The following INSL6 variants were observed in gnomAD, a reference collection of about 807,000 sequenced individuals.
The protein encoded by INSL6 is insulin-like peptide INSL6.
In INSL6, 16 loss-of-function variants were observed where a neutral mutation model predicts 9.4. The observed-to-expected ratio is 1.70, with a 90% CI of 1.15 to 2.59. The LOEUF is 2.59. INSL6 is among the 30% of genes most tolerant of loss of function. The probability of loss-of-function intolerance (pLI) is 0.00; values close to 1 mark genes in which losing one functional copy is unlikely to be tolerated. For missense variants in INSL6, 391 were observed against 257.3 expected (o/e 1.52, Z -3.56); for synonymous variants, 154 against 96.9 (o/e 1.59, Z -3.46).
the INSL6 span, among the ~76,000 whole-genome samples, chr9:5,075,377 T>A: frequency 6.6e-6 from 1 of 152,198 alleles, no homozygotes; most frequent in Non-Finnish European, 1.5e-5. Context: ...AGTCAGTGCT[T>A]GCCTTCAAAG....
chr9:5,057,436 G>A, the INSL6 span, among the ~76,000 whole-genome samples: 5 of 152,042 alleles, frequency 3.3e-5, no homozygotes, highest in African/African-American at 1.2e-4. Flanking sequence ...ATTTTTAAGT[G>A]TACAGTTTAG....
chr9:5,159,475 T>C (rs12337776), downstream of INSL6, among the ~76,000 whole-genome samples: 3,955 of 151,780 alleles, frequency 0.026, 158 homozygotes, highest in African/African-American at 0.084. Context: ...TCCATGCCAA[T>C]GGAAACCAAA....
chr9:5,161,898 C>T (rs552196769), downstream of INSL6, among the ~76,000 whole-genome samples: 1 of 151,788 alleles, frequency 6.6e-6, no homozygotes, highest in South Asian at 2.1e-4. Flanking sequence ...CTGGGCAACA[C>T]AGCAAGACTC....
At chr9:4,996,414 C>G in the INSL6 span, among the ~76,000 whole-genome samples, 1 of 151,908 alleles carries the variant, frequency 6.6e-6, no homozygotes, top group East Asian at 1.9e-4. Context: ...TGCCATTGCA[C>G]TCTAGCCTGG....
chr9:5,044,540 C>G, the INSL6 span: 1 of 1,353,552 alleles, frequency 7.4e-7, no homozygotes, highest in Non-Finnish European at 1.0e-6. Flanking sequence ...TATTATCTTA[C>G]TTGTACATGA....
intron 1 of INSL6, among the ~76,000 whole-genome samples, chr9:5,176,823 T>C (rs1000611274): frequency 1.3e-4 from 19 of 151,948 alleles, no homozygotes; most frequent in African/African-American, 4.1e-4. Flanking sequence ...ACTATGAAGA[T>C]AGTTCAGCAT....
chr9:5,079,263 G>A, the INSL6 span, among the ~76,000 whole-genome samples: 1 of 149,894 alleles, frequency 6.7e-6, no homozygotes, highest in Non-Finnish European at 1.5e-5. Flanking sequence ...ATATGGTGAA[G>A]GTATTTGTCA....
At chr9:5,149,476 G>C (rs983138479) in intron 2 of INSL6, among the ~76,000 whole-genome samples, 1 of 152,024 alleles carries the variant, frequency 6.6e-6, no homozygotes, top group African/African-American at 2.4e-5. Flanking sequence ...ACCAAATCAA[G>C]AAGGCAATCC....
At chr9:5,161,985 G>C (rs549624899), downstream of INSL6, among the ~76,000 whole-genome samples, 1 of 151,954 alleles carries the variant, frequency 6.6e-6, no homozygotes, top group Non-Finnish European at 1.5e-5. Context: ...AGGCTGAGGT[G>C]GGAGGATCAC....
chr9:5,135,648 T>C (rs1824375163), intron 2 of INSL6, among the ~76,000 whole-genome samples: 1 of 152,100 alleles, frequency 6.6e-6, no homozygotes, highest in Non-Finnish European at 1.5e-5. Flanking sequence ...TTTATAGCAC[T>C]AAGTGCCCAC....
At chr9:5,092,699 C>A in the INSL6 span, among the ~76,000 whole-genome samples, 8 of 152,154 alleles carry the variant, frequency 5.3e-5, no homozygotes, top group Admixed American at 3.3e-4. Flanking sequence ...TCCCCCGAAA[C>A]CAAATGAGCT....
chr9:5,084,432 C>G, the INSL6 span, among the ~76,000 whole-genome samples: 2 of 151,992 alleles, frequency 1.3e-5, no homozygotes, highest in Admixed American at 1.3e-4. Flanking sequence ...CTACTGTATC[C>G]CTTTGTTATC....
chr9:5,070,163 T>C, the INSL6 span: 7 of 658,060 alleles, frequency 1.1e-5, no homozygotes, highest in African/African-American at 1.9e-5. Context: ...ACAAATTTAG[T>C]TGTGATTTAA....
the INSL6 span, chr9:5,073,663 AAAC>A: frequency 1.3e-6 from 2 of 1,498,936 alleles, no homozygotes; most frequent in Non-Finnish European, 1.8e-6. Flanking sequence ...GACAACAGTC[AAAC>A]AACAATTCTT....
chr9:5,127,981 A>T, intron 3 of INSL6: 1 of 231,712 alleles, frequency 4.3e-6, no homozygotes, highest in Non-Finnish European at 8.5e-6. Flanking sequence ...CATACATCTT[A>T]AATCTTTTCA....
At chr9:5,134,137 AT>A (rs1189503345) in intron 2 of INSL6, among the ~76,000 whole-genome samples, 1 of 152,174 alleles carries the variant, frequency 6.6e-6, no homozygotes, top group Non-Finnish European at 1.5e-5. Flanking sequence ...AGAAGACAAG[AT>A]TAGAGAAAAA....
chr9:5,031,339 A>G, the INSL6 span, among the ~76,000 whole-genome samples: 1 of 152,240 alleles, frequency 6.6e-6, no homozygotes, highest in African/African-American at 2.4e-5. Flanking sequence ...ATCTATTATT[A>G]AAGCCACATA....
chr9:5,084,198 G>A, the INSL6 span, among the ~76,000 whole-genome samples: 1 of 152,094 alleles, frequency 6.6e-6, no homozygotes, highest in Non-Finnish European at 1.5e-5. Context: ...TAGTTTGTAG[G>A]AAATGAAAGG....
chr9:5,000,006 T>G, the INSL6 span, among the ~76,000 whole-genome samples: 4 of 152,306 alleles, frequency 2.6e-5, no homozygotes, highest in African/African-American at 9.6e-5. Context: ...AAACAATATC[T>G]CATTTTTATG....
Sources: gnomAD v4.1 joint callset for allele counts (sites outside exome capture counted in the v4.1 genomes callset) on GRCh38, gnomAD v4.1.1 for gene constraint, MANE v1.5 for transcripts, NCBI Gene and HGNC (gene_info 2026-07-23, HGNC 2026-07-21) for gene names.